The following TCF12 variants were observed in gnomAD, a reference collection of about 807,000 sequenced individuals.
TCF12 encodes the protein transcription factor 12.
Under a neutral mutation model 86.0 loss-of-function variants are expected in TCF12, and 45 were observed. That is an observed-to-expected ratio of 0.52 (90% CI 0.41 to 0.67). TCF12 has a LOEUF of 0.67. TCF12 is among the 30% of genes least tolerant of loss of function. The pLI is 0.00. For synonymous variants in TCF12, 330 were observed against 299.6 expected (o/e 1.10, Z -1.05); for missense variants, 881 against 859.9 (o/e 1.02, Z -0.31).
At chr15:57,187,278 G>A (rs1194956247) in intron 6 of TCF12, among the ~76,000 whole-genome samples, 1 of 152,040 alleles carries the variant, frequency 6.6e-6, no homozygotes, top group Non-Finnish European at 1.5e-5. Flanking sequence ...ATTTGGTAAA[G>A]GTCATTTACA....
chr15:57,017,746 C>T (rs538350849), intron 3 of TCF12, among the ~76,000 whole-genome samples: 65 of 111,470 alleles, frequency 5.8e-4, no homozygotes, highest in African/African-American at 1.6e-3. Context: ...TTTTTTTTGC[C>T]TGAACATTGC....
chr15:57,066,787 A>C (rs780238666), intron 4 of TCF12, among the ~76,000 whole-genome samples: 9 of 152,198 alleles, frequency 5.9e-5, no homozygotes, highest in Non-Finnish European at 1.3e-4. Flanking sequence ...ATATGAAACC[A>C]TATTTGGCAG....
intron 8 of TCF12, among the ~76,000 whole-genome samples, chr15:57,201,245 T>TAGA (rs2057528453): frequency 6.6e-6 from 1 of 151,968 alleles, no homozygotes; most frequent in Non-Finnish European, 1.5e-5. Flanking sequence ...AGGACCTCAC[T>TAGA]ATCTTATATG....
At chr15:57,117,696 C>T (rs1435940287) in intron 5 of TCF12, among the ~76,000 whole-genome samples, 2 of 152,180 alleles carry the variant, frequency 1.3e-5, no homozygotes. Flanking sequence ...CTAGCATTTT[C>T]TGTTATTGGT....
intron 5 of TCF12, among the ~76,000 whole-genome samples, chr15:57,110,508 G>A (rs944589723): frequency 6.6e-6 from 1 of 152,166 alleles, no homozygotes; most frequent in African/African-American, 2.4e-5. Flanking sequence ...ATCGTTCCAT[G>A]GTGCTCATTA....
Position 57,077,323 on chromosome 15 carries a change from ATATATGTG to A in TCF12, c.222+13502_222+13509del, listed in dbSNP as rs1348605821. 1.8e-3 allele frequency among the ~76,000 whole-genome samples: 66 copies of A among 35,692 alleles called. 2 individuals carry two copies. The highest frequency in any genetic ancestry group is 7.9e-3 in the African/African-American group (58 of 7,384). 23.4% of individuals were successfully genotyped at this position (35,692 alleles called of 152,430 possible). Reference sequence around the variant, plus strand: ...GTATTTACTTTCCATATATATGTATATATATGTGTGTGTGTGTGTGTGTGTGTGTGTGT... The same window carrying A: ...GTATTTACTTTCCATATATATGTATATGTGTGTGTGTGTGTGTGTGTGTGT... On this transcript the variant is annotated intron_variant, in intron 4 of 20. Coordinates refer to ENST00000333725, the MANE Select transcript of TCF12 (RefSeq NM_207037.2).
chr15:57,284,818 C>T lies in TCF12; in HGVS notation c.*12-1339C>T, dbSNP rs546035107. ...TTCTCATCTCGTTTCCTTCTGTTTA[C>T]TTCCTGTGCTTTTACTACTTCTCTA... On this transcript the variant is annotated intron_variant, in intron 20 of 20. Transcript: ENST00000333725. Among the ~76,000 whole-genome samples the T allele has an allele frequency of 3.9e-5, 6 of 152,358 alleles. No homozygotes were observed. In the South Asian group the frequency reaches 1.2e-3, roughly 32 times the overall value.
rs551766104 is a variant in TCF12 at position 57,050,204 on chromosome 15, T to C, written c.149-13546T>C. ...ACAATCACGTGCATTTTAAAGAAAA[T>C]AGAGGATAAATCATCTTTATTCGTA... On this transcript the variant is annotated intron_variant, in intron 3 of 20. Transcript: ENST00000333725. 8.7e-4 allele frequency among the ~76,000 whole-genome samples: 132 copies of C among 152,294 alleles called. 3 individuals carry two copies. Among genetic ancestry groups the C allele is most frequent in the Admixed American group, 4.6e-3 (70 of 15,306 alleles).
In TCF12 at chr15:57,286,341, T is replaced by G. The variant is rs898317289; in HGVS notation, c.*196T>G. ...TCAACACTTCCATCAGAAGTGAAGA[T>G]AGGAAGCTCATCAGATAGAACATCA... On this transcript the variant is annotated 3_prime_UTR_variant, in exon 21 of 21. Transcript: ENST00000333725. 4.6e-6 allele frequency: 1 copy of G among 215,522 alleles called. No homozygotes were observed. The highest frequency in any genetic ancestry group is 9.5e-6 in the Non-Finnish European group (1 of 105,280). 13.4% of individuals were successfully genotyped at this position (215,522 alleles called of 1,614,324 possible). A position where few individuals can be genotyped will look rare whatever the true frequency, so the allele number is the denominator to read the frequency against.
chr15:57,103,532 A>AC (rs1161284773), intron 5 of TCF12, among the ~76,000 whole-genome samples: 8 of 152,208 alleles, frequency 5.3e-5, no homozygotes, highest in African/African-American at 1.9e-4. Flanking sequence ...TCCCAAACGC[A>AC]CTTATGAAGA....
intron 13 of TCF12, chr15:57,251,072 C>A: frequency 3.2e-6 from 1 of 314,398 alleles, no homozygotes; most frequent in Non-Finnish European, 5.9e-6. Flanking sequence ...GATACATAGG[C>A]ATGTGGACTA....
chr15:57,088,263 T>C (rs1316975118), intron 4 of TCF12, among the ~76,000 whole-genome samples: 1 of 152,206 alleles, frequency 6.6e-6, no homozygotes, highest in Admixed American at 6.5e-5. Flanking sequence ...TTCTCTGCTA[T>C]TCTGTCAGCC....
chr15:57,214,137 C>A (rs2058233743), intron 8 of TCF12: 1 of 152,210 alleles, frequency 6.6e-6, no homozygotes, highest in African/African-American at 2.4e-5. Flanking sequence ...CCAAGAGATG[C>A]AGGGGCAGGG....
chr15:56,925,020 G>C (rs1342825526), intron 3 of TCF12, among the ~76,000 whole-genome samples: 1 of 152,116 alleles, frequency 6.6e-6, no homozygotes, highest in Non-Finnish European at 1.5e-5. Flanking sequence ...CCAACATGGT[G>C]AAACCCTATT....
At chr15:56,981,847 T>C (rs2062909597) in intron 3 of TCF12, among the ~76,000 whole-genome samples, 1 of 152,044 alleles carries the variant, frequency 6.6e-6, no homozygotes, top group Admixed American at 6.6e-5. Context: ...ATTTACTAAG[T>C]GTAAGTGGAT....
In TCF12 at chr15:57,232,296, A is replaced by T; in HGVS notation, c.691A>T (p.Thr231Ser). The T allele has an allele frequency of 6.2e-7, 1 of 1,613,954 alleles. No individual in the cohort carries two copies. Residue 231 changes from threonine to serine, a missense_variant, in exon 10 of 21, where the codon ACC becomes TCC. Thr to Ser is a moderately conservative substitution (Grantham distance 58). Transcript: ENST00000333725. Reference sequence around the variant, plus strand: ...TATTTCTCTTTTTGTCTTAGATGGGACCCACAATTCTTCTGACCTTTGGAG... The same window carrying T: ...TATTTCTCTTTTTGTCTTAGATGGGTCCCACAATTCTTCTGACCTTTGGAG... ...FASTFFMQDG[T>S]HNSSDLWSSS...
chr15:57,131,657 C>T (rs1427602917), intron 5 of TCF12, among the ~76,000 whole-genome samples: 1 of 152,104 alleles, frequency 6.6e-6, no homozygotes, highest in Non-Finnish European at 1.5e-5. Flanking sequence ...CACATTTGAT[C>T]TCTGTTCATC....
intron 17 of TCF12, among the ~76,000 whole-genome samples, chr15:57,262,891 G>A (rs2060653169): frequency 6.6e-6 from 1 of 152,130 alleles, no homozygotes; most frequent in Admixed American, 6.5e-5. Flanking sequence ...GGTCATGGGG[G>A]TCAGACTTGT....
intron 3 of TCF12, among the ~76,000 whole-genome samples, chr15:57,002,393 C>T (rs1325461976): frequency 6.6e-6 from 1 of 152,208 alleles, no homozygotes; most frequent in Non-Finnish European, 1.5e-5. Flanking sequence ...TAAAATCATA[C>T]TCAATCACAA....
Sources: gnomAD v4.1 joint callset for allele counts (sites outside exome capture counted in the v4.1 genomes callset) on GRCh38, gnomAD v4.1.1 for gene constraint, MANE v1.5 for transcripts, NCBI Gene and HGNC (gene_info 2026-07-23, HGNC 2026-07-21) for gene names.